WNK1: variants seen among roughly 807,000 people sequenced by gnomAD.
WNK1 encodes the protein serine/threonine-protein kinase WNK1.
WNK1 carries 38 observed loss-of-function variants against 222.8 expected under a neutral mutation model. The ratio of observed to expected loss-of-function variants is 0.17; its 90% confidence interval spans 0.13 to 0.22. WNK1 has a LOEUF of 0.22. WNK1 is among the 10% of genes least tolerant of loss of function. The pLI, the probability that WNK1 is intolerant of heterozygous loss-of-function variation, is 1.00. For missense variants in WNK1, 2,348 were observed against 2,918.4 expected (o/e 0.80, Z 4.50); for synonymous variants, 1,090 against 1,092.9 (o/e 1.00, Z 0.05).
At chr12:877,114 AGTGCAATG>A (rs1386369276) in intron 9 of WNK1, among the ~76,000 whole-genome samples, 1 of 118,604 alleles carries the variant, frequency 8.4e-6, no homozygotes, top group Non-Finnish European at 1.6e-5. Flanking sequence ...CCCATGCTGG[AGTGCAATG>A]GTGCAATCTC....
rs776778479 is a variant in WNK1 at position 881,801 on chromosome 12, T to C, written c.3209+12T>C. On this transcript the variant is annotated intron_variant, in intron 13 of 27. Coordinates refer to ENST00000315939, the MANE Select transcript of WNK1 (RefSeq NM_018979.4). ...TCCTCTGTAGACAGGTACGTAAAAC[T>C]AGAATTCTCCTTCCTTGACTGGTAA... The C allele has an allele frequency of 8.4e-5, 136 of 1,613,928 alleles. No individual in the cohort carries two copies. Among genetic ancestry groups the C allele is most frequent in the Non-Finnish European group, 1.1e-4 (134 of 1,179,912 alleles).
In WNK1 at chr12:884,241, C is replaced by T. The variant is rs748686414; in HGVS notation, c.3842C>T (p.Thr1281Ile). The T allele has an allele frequency of 4.3e-6, 7 of 1,613,846 alleles. No homozygotes were observed. The Admixed American group carries it at 8.3e-5, about 19-fold the overall frequency. The change falls in exon 18 of 28, where the codon ACA becomes ATA. Residue 1281 changes from threonine to isoleucine, a missense_variant and splice_region_variant. Thr to Ile is a moderately conservative substitution (Grantham distance 89). Transcript: ENST00000315939. The surrounding 1 kb of genome is among the most constrained non-coding windows in gnomAD (Gnocchi z 5.6). ...SKVFPSEITD[T>I]VAASTAQSPG... ...GTTTTCCCCAGTGAAATAACAGATA[C>T]AGGTAAGGGATTGATTCTGCCACAT... is the stretch of plus-strand genomic sequence containing the variant.
At chr12:842,040 T>C (rs1468668664) in intron 4 of WNK1, among the ~76,000 whole-genome samples, 1 of 152,234 alleles carries the variant, frequency 6.6e-6, no homozygotes, top group East Asian at 1.9e-4. Context: ...AGGTTTATTA[T>C]ATCGTTGTTT....
chr12:776,916 T>G (rs1943167796), intron 1 of WNK1, among the ~76,000 whole-genome samples: 1 of 152,230 alleles, frequency 6.6e-6, no homozygotes, highest in South Asian at 2.1e-4. Flanking sequence ...TCATAATAAC[T>G]GACTAGTGTT....
intron 4 of WNK1, among the ~76,000 whole-genome samples, chr12:856,334 T>C (rs6489757): frequency 0.75 from 112,952 of 151,162 alleles, 42,340 homozygotes; most frequent in East Asian, 0.88. Flanking sequence ...TATACCTGTA[T>C]TCCCGGCTAC....
intron 1 of WNK1, among the ~76,000 whole-genome samples, chr12:810,246 C>CAAA (rs71439362): frequency 7.1e-6 from 1 of 140,036 alleles, no homozygotes; most frequent in African/African-American, 2.6e-5. Context: ...GACTCCGTCT[C>CAAA]AAAAAAAAAA....
intron 1 of WNK1, among the ~76,000 whole-genome samples, chr12:754,990 C>T (rs1939782436): frequency 6.6e-6 from 1 of 152,164 alleles, no homozygotes; most frequent in South Asian, 2.1e-4. Context: ...TGTGTAAGTG[C>T]TTTGAGAGTC....
chr12:754,222 C>T lies in WNK1; in HGVS notation c.657C>T (p.Arg219=), dbSNP rs1313657640. 2 of 1,613,768 alleles carry T rather than the reference C, an allele frequency of 1.2e-6. No homozygotes were observed. The highest frequency in any genetic ancestry group is 1.7e-6 in the Non-Finnish European group (2 of 1,180,044). The part of the protein sequence containing the change: ...TKAVGMSNDG[R]FLKFDIEIGR... ...CCGTGGGAATGTCTAACGATGGCCG[C>T]TTTCTCAAGTTTGACATCGAAATCG... is the stretch of plus-strand genomic sequence containing the variant. The change falls in exon 1 of 28, where the codon CGC becomes CGT. Residue 219 remains arginine, a synonymous_variant. Transcript: ENST00000315939.
chr12:891,404 C>T (rs1322294952), intron 22 of WNK1, among the ~76,000 whole-genome samples: 1 of 152,150 alleles, frequency 6.6e-6, no homozygotes, highest in Non-Finnish European at 1.5e-5. Flanking sequence ...TCCCAGAGTG[C>T]TGGGATTACA....
Position 908,861 on chromosome 12 carries a change from G to GGGGCCC in WNK1, c.*69_*70insGGGCCC. Reference sequence around the variant, plus strand: ...ATGCTGAGGGGGTGGGTGGGGGTGGGAAGTAGCCTATATACTAACTACTAG... The same window carrying GGGGCCC: ...ATGCTGAGGGGGTGGGTGGGGGTGGGGGGCCCAAGTAGCCTATATACTAACTACTAG... On this transcript the variant is annotated 3_prime_UTR_variant, in exon 28 of 28. Transcript: ENST00000315939. The GGGGCCC allele has an allele frequency of 2.0e-6, 1 of 491,844 alleles. No individual in the cohort carries two copies. The highest frequency in any genetic ancestry group is 6.0e-5 in the East Asian group (1 of 16,748). The allele number at this position is 491,844 out of a possible 1,614,324, so 30.5% of individuals were successfully genotyped here.
intron 21 of WNK1, among the ~76,000 whole-genome samples, chr12:889,926 A>C (rs2154089601): frequency 6.6e-6 from 1 of 151,856 alleles, no homozygotes; most frequent in East Asian, 1.9e-4. Context: ...AATTAAGAGT[A>C]GAAATTCATT....
chr12:891,627 T>A (rs908659103), intron 22 of WNK1, among the ~76,000 whole-genome samples: 10 of 151,314 alleles, frequency 6.6e-5, no homozygotes, highest in African/African-American at 1.2e-4. Flanking sequence ...TTTAGTTTTT[T>A]AATTTATTAG....
chr12:859,473 A>G lies in WNK1; in HGVS notation c.1620+9A>G, dbSNP rs1187973061. ...ATGTTGCACAAGAAATGGTAAATTG[A>G]CATTAGCCATTTTAAAATTGATTTA... On this transcript the variant is annotated intron_variant, in intron 6 of 27. Coordinates refer to ENST00000315939, the MANE Select transcript of WNK1 (RefSeq NM_018979.4). 2.5e-6 allele frequency: 4 copies of G among 1,595,832 alleles called. No individual in the cohort carries two copies. The Admixed American group carries it at 6.7e-5, about 27-fold the overall frequency.
intron 4 of WNK1, 134 bp downstream of exon 4, chr12:830,294 G>A: frequency 2.0e-6 from 2 of 980,558 alleles, no homozygotes; most frequent in South Asian, 2.8e-5. Flanking sequence ...TTGGGGGGGT[G>A]GTGTTGAGGT....
intron 27 of WNK1, 30 bp downstream of exon 27, chr12:908,064 G>A (rs372548503): frequency 1.3e-4 from 212 of 1,611,046 alleles, no homozygotes; most frequent in East Asian, 3.1e-4. Context: ...CAGAGAATCC[G>A]TAACACACAT....
chr12:870,107 A>G (rs1307022863), intron 8 of WNK1, among the ~76,000 whole-genome samples: 2 of 152,184 alleles, frequency 1.3e-5, no homozygotes, highest in East Asian at 3.8e-4. Flanking sequence ...TACATAAAGT[A>G]CTATGTGTTG....
intron 27 of WNK1, 47 bp from the exon 28 acceptor site, chr12:908,428 A>G: frequency 6.3e-7 from 1 of 1,592,680 alleles, no homozygotes; most frequent in Non-Finnish European, 8.6e-7. Context: ...CACACATTTT[A>G]TACCATGGCC....
At chr12:815,368 A>C (rs1947259882) in intron 2 of WNK1, among the ~76,000 whole-genome samples, 1 of 152,192 alleles carries the variant, frequency 6.6e-6, no homozygotes, top group Non-Finnish European at 1.5e-5. Flanking sequence ...GATCATTGGA[A>C]TACAGTGTTA....
Position 752,946 on chromosome 12 carries a change from G to A in WNK1, c.-620G>A, listed in dbSNP as rs1226527723. Reference sequence around the variant, plus strand: ...CTCCGGCCCTTCGCCTCTGGGCGATGGGCGACCTGTGAGGCCGGTCCCCAT... The same window carrying A: ...CTCCGGCCCTTCGCCTCTGGGCGATAGGCGACCTGTGAGGCCGGTCCCCAT... On this transcript the variant is annotated 5_prime_UTR_variant, in exon 1 of 28. It removes an upstream start codon present in the reference 5' UTR. Transcript: ENST00000315939. 6.6e-6 allele frequency: 1 copy of A among 152,096 alleles called. No individual in the cohort carries two copies. Among genetic ancestry groups the A allele is most frequent in the East Asian group, 1.9e-4 (1 of 5,174 alleles). 9.4% of individuals were successfully genotyped at this position (152,096 alleles called of 1,614,324 possible).
Sources: allele counts gnomAD v4.1 joint callset (sites outside exome capture counted in the v4.1 genomes callset), GRCh38; gene constraint gnomAD v4.1.1; non-coding constraint Gnocchi (gnomAD v3.1); transcripts MANE v1.5; gene names NCBI Gene and HGNC (gene_info 2026-07-23, HGNC 2026-07-21).